PIR: variants seen among roughly 807,000 people sequenced by gnomAD.
PIR encodes pirin (iron-binding nuclear protein).
Under a neutral mutation model 24.2 loss-of-function variants are expected in PIR, and 22 were observed. The observed-to-expected ratio is 0.91, with a 90% CI of 0.65 to 1.30. The LOEUF is 1.30. Among genes scored for constraint, PIR ranks in the 50% most tolerant of loss-of-function variants. PIR has a pLI of 0.00. For synonymous variants in PIR, 80 were observed against 79.6 expected (o/e 1.00, Z -0.03); for missense variants, 220 against 220.3 (o/e 1.00, Z 0.01).
chrX:15,388,626 C>T (rs1470746458), intron 9 of PIR, among the ~76,000 whole-genome samples: 3 of 111,802 alleles, frequency 2.7e-5, no homozygotes, highest in African/African-American at 9.8e-5. Context: ...ATTTTATTTT[C>T]CTCATCTATA....
intron 5 of PIR, among the ~76,000 whole-genome samples, chrX:15,426,756 G>A (rs1365763052): frequency 1.8e-5 from 2 of 112,214 alleles, no homozygotes; most frequent in Non-Finnish European, 3.8e-5. Flanking sequence ...TGGCACGGAT[G>A]TGTAGTAACT....
chrX:15,429,635 T>C (rs1421018404), intron 5 of PIR: 1 of 111,859 alleles, frequency 8.9e-6, no homozygotes, highest in Non-Finnish European at 1.9e-5. Context: ...GGTGGGTGGA[T>C]CACGAGGTCA....
At chrX:15,411,452 C>CA (rs1475585163) in intron 6 of PIR, among the ~76,000 whole-genome samples, 1 of 111,467 alleles carries the variant, frequency 9.0e-6, no homozygotes, top group African/African-American at 3.3e-5. Flanking sequence ...CCTTCTGCCT[C>CA]AGTCTTGGAG....
intron 2 of PIR, among the ~76,000 whole-genome samples, chrX:15,480,208 G>A (rs1258153703): frequency 2.7e-5 from 3 of 109,698 alleles, no homozygotes; most frequent in African/African-American, 1.0e-4. Context: ...CATATAAGAT[G>A]TGACTTGCTC....
chrX:15,403,472 T>C (rs1924454562), intron 7 of PIR, among the ~76,000 whole-genome samples: 1 of 112,552 alleles, frequency 8.9e-6, no homozygotes, highest in Admixed American at 9.4e-5. Flanking sequence ...TTTTCTATCC[T>C]TTTGATCTCT....
chrX:15,483,091 C>G (rs1316255417), intron 2 of PIR, among the ~76,000 whole-genome samples: 1 of 106,730 alleles, frequency 9.4e-6, no homozygotes, highest in Non-Finnish European at 1.9e-5. Context: ...CTTTCTCATT[C>G]TCCGGTTTTA....
At chrX:15,397,409 A>G in intron 8 of PIR, 40 bp downstream of exon 8, 1 of 940,659 alleles carries the variant, frequency 1.1e-6, no homozygotes, top group Non-Finnish European at 1.5e-6. Flanking sequence ...ACCAGTAGAA[A>G]GTACATGTTA....
At chrX:15,389,365 C>T (rs910153366) in intron 9 of PIR, among the ~76,000 whole-genome samples, 1 of 111,330 alleles carries the variant, frequency 9.0e-6, no homozygotes, top group Non-Finnish European at 1.9e-5. Flanking sequence ...GTTAGTAGAA[C>T]AAAAAAGAAT....
chrX:15,479,590 T>C (rs1399666795), intron 3 of PIR, 139 bp downstream of exon 3: 1 of 327,971 alleles, frequency 3.0e-6, no homozygotes, highest in African/African-American at 2.7e-5. Context: ...TAAATTTGAG[T>C]ATATCTTATG....
chrX:15,445,386 G>A lies in PIR; in HGVS notation c.480+10462C>T, dbSNP rs73451215. ...AACATCACACACCCGGGCCAGTCGG[G>A]GGGTGGGGTTCTGGGGGAGGGATAG... On this transcript the variant is annotated intron_variant, in intron 5 of 9. Transcript: ENST00000380420. Among the ~76,000 whole-genome samples, 126 of 110,844 alleles carry A rather than the reference G, an allele frequency of 1.1e-3. 1 individual carries two copies. Among genetic ancestry groups the A allele is most frequent in the African/African-American group, 3.9e-3 (119 of 30,436 alleles).
At chrX:15,453,511 C>T (rs946322332) in intron 5 of PIR, among the ~76,000 whole-genome samples, 1 of 111,897 alleles carries the variant, frequency 8.9e-6, no homozygotes, top group African/African-American at 3.2e-5. Flanking sequence ...GTAACCACTG[C>T]ACCACGCTGC....
intron 7 of PIR, among the ~76,000 whole-genome samples, chrX:15,399,262 G>A (rs755960015): frequency 8.9e-5 from 10 of 112,708 alleles, no homozygotes; most frequent in Non-Finnish European, 1.7e-4. Context: ...TTATTTAAAT[G>A]AAAACAATAG....
intron 2 of PIR, among the ~76,000 whole-genome samples, chrX:15,483,655 A>G (rs748777923): frequency 1.8e-5 from 2 of 112,652 alleles, no homozygotes; most frequent in Non-Finnish European, 3.8e-5. Context: ...CAGGAACAGA[A>G]CTGGGATTGG....
chrX:15,444,123 A>G (rs1196965578), intron 5 of PIR, among the ~76,000 whole-genome samples: 1 of 112,087 alleles, frequency 8.9e-6, no homozygotes, highest in African/African-American at 3.2e-5. Context: ...ATTACACGCT[A>G]CAGAGAAATA....
intron 3 of PIR, among the ~76,000 whole-genome samples, chrX:15,471,820 C>T (rs1264738026): frequency 1.8e-5 from 2 of 111,998 alleles, no homozygotes; most frequent in East Asian, 2.8e-4. Context: ...TTTGAAAGTC[C>T]TCTGCCTCCA....
chrX:15,476,728 A>G (rs1043341778), intron 3 of PIR, among the ~76,000 whole-genome samples: 10 of 112,040 alleles, frequency 8.9e-5, no homozygotes, highest in Admixed American at 5.7e-4. Context: ...AACAAAATCA[A>G]TCTCGCTCAA....
At chrX:15,433,970 G>GAGA in intron 5 of PIR, among the ~76,000 whole-genome samples, 1 of 62,211 alleles carries the variant, frequency 1.6e-5, no homozygotes, top group Non-Finnish European at 2.9e-5. Flanking sequence ...GAAGGAGGAG[G>GAGA]AGGAAGGAGA....
chrX:15,463,701 A>T (rs1040425966), intron 3 of PIR, among the ~76,000 whole-genome samples: 1 of 112,461 alleles, frequency 8.9e-6, no homozygotes, highest in Non-Finnish European at 1.9e-5. Context: ...CAACAATGCA[A>T]CACTGGCACA....
At chrX:15,426,490 C>T (rs1925322781) in intron 5 of PIR, among the ~76,000 whole-genome samples, 2 of 112,059 alleles carry the variant, frequency 1.8e-5, no homozygotes, top group South Asian at 7.5e-4. Context: ...AGCCACAACT[C>T]CAAATGTAAG....
Sources: allele counts gnomAD v4.1 joint callset (sites outside exome capture counted in the v4.1 genomes callset), GRCh38; gene constraint gnomAD v4.1.1; transcripts MANE v1.5; gene names NCBI Gene and HGNC (gene_info 2026-07-23, HGNC 2026-07-21).